The following NCAPD3 variants were observed in gnomAD, a reference collection of about 807,000 sequenced individuals.
NCAPD3 encodes condensin-2 complex subunit D3.
Under a neutral mutation model 182.9 loss-of-function variants are expected in NCAPD3, and 105 were observed. The observed-to-expected ratio is 0.57, with a 90% confidence interval of 0.49 to 0.68. The LOEUF is 0.68. Ranked by LOEUF, NCAPD3 falls within the 30% of genes least tolerant of loss-of-function variation. The pLI, the probability that NCAPD3 is intolerant of heterozygous loss-of-function variation, is 0.00. For synonymous variants in NCAPD3, 815 were observed against 679.9 expected (o/e 1.20, Z -3.09); for missense variants, 1,944 against 1,837.0 (o/e 1.06, Z -1.07).
At chr11:134,153,482 G>T in intron 32 of NCAPD3, 119 bp from the exon 33 acceptor site, 1 of 974,182 alleles carries the variant, frequency 1.0e-6, no homozygotes. Flanking sequence ...GCGGCCCTCA[G>T]ACCTCCACTG....
chr11:134,163,871 C>CAAA (rs60340458), intron 27 of NCAPD3, among the ~76,000 whole-genome samples: 3,135 of 70,508 alleles, frequency 0.044, 211 homozygotes, highest in East Asian at 0.24. Context: ...GATTCTGTCT[C>CAAA]AAAAAAAAAA....
chr11:134,178,912 C>T lies in NCAPD3; in HGVS notation c.2584G>A (p.Asp862Asn), dbSNP rs1279062524. Reference protein sequence around the residue: ...LLVKYIFTLGDIAQLCPARVE... With the variant: ...LLVKYIFTLGNIAQLCPARVE... ...CTGGCTGGACACAGCTGGGCTATAT[C>T]CCCTAAGGTAAAAATGTACTTCACC... The change falls in exon 21 of 35, where the codon GAT becomes AAT. Residue 862 changes from aspartate to asparagine, a missense_variant. Asp to Asn is a conservative substitution (Grantham distance 23). Coordinates refer to ENST00000534548, the MANE Select transcript of NCAPD3 (RefSeq NM_015261.3). 1.9e-6 allele frequency: 3 copies of T among 1,613,774 alleles called. No homozygotes were observed. The highest frequency in any genetic ancestry group is 2.2e-5 in the East Asian group (1 of 44,886).
rs143778814 is a variant in NCAPD3, at chr11:134,178,745, C to T, written c.2675-4G>A. ...CTGCTGCCTTGAGATGATGGTGCTGCAAAGAAGGGAGAGAAAGTTACCGAC... is the reference window on the plus strand; with the variant it reads ...CTGCTGCCTTGAGATGATGGTGCTGTAAAGAAGGGAGAGAAAGTTACCGAC... On this transcript the variant is annotated splice_polypyrimidine_tract_variant and splice_region_variant and intron_variant, in intron 21 of 34. Transcript: ENST00000534548. 8.7e-5 allele frequency: 140 copies of T among 1,608,328 alleles called. 1 individual carries two copies. The African/African-American group carries it at 1.6e-3, about 18-fold the overall frequency.
intron 3 of NCAPD3, among the ~76,000 whole-genome samples, chr11:134,213,792 G>A (rs1185422527): frequency 6.6e-6 from 1 of 152,022 alleles, no homozygotes; most frequent in African/African-American, 2.4e-5. Flanking sequence ...CTTAGTATTA[G>A]ACAAAGTAGA....
At chr11:134,179,066 C>T (rs921874034) in intron 20 of NCAPD3, 130 bp from the exon 21 acceptor site, 30 of 623,294 alleles carry the variant, frequency 4.8e-5, no homozygotes, top group Non-Finnish European at 8.4e-6. Context: ...GTTTTCGTTT[C>T]ATAAAAATAC....
At chr11:134,225,028 G>C, upstream of NCAPD3, 1 of 1,198,584 alleles carries the variant, frequency 8.3e-7, no homozygotes, top group Non-Finnish European at 1.1e-6. Flanking sequence ...GAGCGCGCTC[G>C]CGCATCGGGC....
At chr11:134,160,138 C>T (rs12785656) in intron 28 of NCAPD3, 64 bp from the exon 29 acceptor site, 62,611 of 1,532,066 alleles carry the variant, frequency 0.041, 1,512 homozygotes, top group Non-Finnish European at 0.049. Context: ...CCCTAAACCC[C>T]CACGACACAC....
At chr11:134,159,666 C>G (rs1174657046) in intron 29 of NCAPD3, among the ~76,000 whole-genome samples, 1 of 152,230 alleles carries the variant, frequency 6.6e-6, no homozygotes, top group Admixed American at 6.5e-5. Flanking sequence ...CTGCTGCTGC[C>G]AGCTCGCTTC....
chr11:134,153,443 G>T, intron 32 of NCAPD3, 80 bp from the exon 33 acceptor site: 1 of 1,420,558 alleles, frequency 7.0e-7, no homozygotes, highest in Non-Finnish European at 1.0e-6. Context: ...GTGGGACGTA[G>T]GCAGGGTGTC....
At chr11:134,205,004 A>C (rs1231346351) in intron 8 of NCAPD3, 33 bp from the exon 9 acceptor site, 4 of 1,551,550 alleles carry the variant, frequency 2.6e-6, no homozygotes, top group Non-Finnish European at 2.7e-6. Context: ...TACTGTTCAC[A>C]ATACAGTCAG....
intron 1 of NCAPD3, 113 bp downstream of exon 1, chr11:134,223,750 A>AGCCGGGC: frequency 7.7e-7 from 1 of 1,307,074 alleles, no homozygotes; most frequent in Non-Finnish European, 1.1e-6. Flanking sequence ...CACCGCCGAC[A>AGCCGGGC]GCCGGGCGCC....
chr11:134,168,887 AAGG>A (rs1355996029), intron 25 of NCAPD3, 27 bp downstream of exon 25: 20 of 1,602,760 alleles, frequency 1.2e-5, no homozygotes, highest in Non-Finnish European at 1.7e-5. Flanking sequence ...ACCCAGATAC[AAGG>A]AGACCAGACT....
rs1943469154 is a variant in NCAPD3, at chr11:134,157,932, A to G, written c.4170T>C (p.Ser1390=). 1 of 1,613,512 alleles carries G rather than the reference A, an allele frequency of 6.2e-7. No homozygotes were observed. Among genetic ancestry groups the G allele is most frequent in the Non-Finnish European group, 8.5e-7 (1 of 1,179,686 alleles). The part of the protein sequence containing the change: ...LNSGSPEKTC[S]QVSSYSLEQE... Reference sequence around the variant, plus strand: ...GGCACCAAACATAAGGCTTACCCTGACTGCACGTTTTTTCTGGGCTTCCAG... The same window carrying G: ...GGCACCAAACATAAGGCTTACCCTGGCTGCACGTTTTTTCTGGGCTTCCAG... The change falls in exon 31 of 35, where the codon AGT becomes AGC. Residue 1390 remains serine (S), a synonymous_variant. Coordinates refer to ENST00000534548, the MANE Select transcript of NCAPD3 (RefSeq NM_015261.3).
At chr11:134,155,774 A>T (rs1943401560) in intron 32 of NCAPD3, among the ~76,000 whole-genome samples, 1 of 151,744 alleles carries the variant, frequency 6.6e-6, no homozygotes, top group Admixed American at 6.6e-5. Flanking sequence ...TCTAACACAC[A>T]GAACATCGCA....
In NCAPD3 at chr11:134,192,926, T is replaced by C. The variant is rs932028662; in HGVS notation, c.1825-17A>G. 1 of 1,473,816 alleles carries C rather than the reference T, an allele frequency of 6.8e-7. No individual in the cohort carries two copies. The highest frequency in any genetic ancestry group is 9.5e-7 in the Non-Finnish European group (1 of 1,053,286). 91.3% of individuals were successfully genotyped at this position (1,473,816 alleles called of 1,614,324 possible). A position where few individuals can be genotyped will look rare whatever the true frequency, so the allele number is the denominator to read the frequency against. ...AGGCTGAGCCTTAGGAGTGAAAGATTATGACATGAGAAGGTCTAAATACAA... is the reference window on the plus strand; with the variant it reads ...AGGCTGAGCCTTAGGAGTGAAAGATCATGACATGAGAAGGTCTAAATACAA... On this transcript the variant is annotated splice_polypyrimidine_tract_variant and intron_variant, in intron 15 of 34. Coordinates refer to ENST00000534548, the MANE Select transcript of NCAPD3 (RefSeq NM_015261.3).
rs1316347548 is a variant in NCAPD3 at position 134,218,688 on chromosome 11, T to C, written c.220-1590A>G. On this transcript the variant is annotated intron_variant, in intron 2 of 34. Transcript: ENST00000534548. ...CACTTCACACCATGTTTTTAAGATA[T>C]CTCAAAAGGGCTTCCTAGTTCACAA... Among the ~76,000 whole-genome samples the C allele has an allele frequency of 7.5e-4, 114 of 152,170 alleles. 1 individual carries two copies. The highest frequency in any genetic ancestry group is 7.5e-3 in the Admixed American group (114 of 15,278).
intron 7 of NCAPD3, 28 bp downstream of exon 7, chr11:134,208,836 A>G: frequency 6.5e-7 from 1 of 1,534,804 alleles, no homozygotes; most frequent in South Asian, 1.1e-5. Context: ...TTCAACTAGT[A>G]ACCAAATTAG....
intron 32 of NCAPD3, among the ~76,000 whole-genome samples, chr11:134,156,710 G>T (rs557764599): frequency 1.3e-5 from 2 of 152,318 alleles, no homozygotes; most frequent in Admixed American, 6.5e-5. Context: ...GACACGGAGG[G>T]CCGCCTCCAG....
At position 134,168,082 on chromosome 11, in the gene NCAPD3, G is replaced by C. The variant is rs151223701; in HGVS notation, c.3487C>G (p.Pro1163Ala). ...TCTTCCATAAGGAGGTCTTTGTCTG[G>C]TTTAGATCTCATTGCCAAAAGCTTG... ...EIKLLAMRSK[P>A]DKDLLMEEDD... The change falls in exon 27 of 35, where the codon CCA (proline) becomes GCA (alanine). Residue 1163 changes from proline to alanine, a missense_variant. Physicochemically the swap from Pro to Ala is conservative, Grantham distance 27 (BLOSUM62 -1). Coordinates refer to ENST00000534548, the MANE Select transcript of NCAPD3 (RefSeq NM_015261.3). 459 of 1,614,046 alleles carry C rather than the reference G, an allele frequency of 2.8e-4. 1 individual carries two copies. Among genetic ancestry groups the C allele is most frequent in the Middle Eastern group, 4.9e-4 (3 of 6,082 alleles).
Sources: allele counts gnomAD v4.1 joint callset (sites outside exome capture counted in the v4.1 genomes callset), GRCh38; gene constraint gnomAD v4.1.1; transcripts MANE v1.5; gene names NCBI Gene and HGNC (gene_info 2026-07-23, HGNC 2026-07-21).